Variants in DPP10 observed in about 807,000 individuals in gnomAD.
DPP10 encodes dipeptidyl peptidase like 10.
In DPP10, 33 loss-of-function variants were observed where a neutral mutation model predicts 120.9. That is an observed-to-expected ratio of 0.27 (90% CI 0.21 to 0.37). The LOEUF is 0.37. Among genes scored for constraint, DPP10 ranks in the 10% least tolerant of loss-of-function variants. DPP10 has a pLI of 1.00. For synonymous variants in DPP10, 337 were observed against 326.1 expected (o/e 1.03, Z -0.36); for missense variants, 816 against 942.8 (o/e 0.87, Z 1.76).
intron 1 of DPP10, among the ~76,000 whole-genome samples, chr2:114,939,398 T>A (rs1359623195): frequency 1.3e-5 from 2 of 152,156 alleles, no homozygotes; most frequent in Non-Finnish European, 2.9e-5. Context: ...CTAAATTTTT[T>A]AAATTCTTTT....
chr2:114,478,682 G>A (rs889845194), intron 1 of DPP10, among the ~76,000 whole-genome samples: 3 of 151,528 alleles, frequency 2.0e-5, no homozygotes, highest in African/African-American at 7.3e-5. Context: ...AGAAAATCTG[G>A]AGAGATCTAC....
chr2:114,724,715 G>T (rs1250280746), intron 1 of DPP10, among the ~76,000 whole-genome samples: 1 of 152,174 alleles, frequency 6.6e-6, no homozygotes, highest in African/African-American at 2.4e-5. Flanking sequence ...GCCTCTGAAA[G>T]CTGACTGAAG....
At chr2:114,516,863 C>T (rs992651612) in intron 1 of DPP10, among the ~76,000 whole-genome samples, 9 of 152,088 alleles carry the variant, frequency 5.9e-5, no homozygotes, top group African/African-American at 2.2e-4. Context: ...GTGTTTAATA[C>T]TCAAAGATGC....
In DPP10 at chr2:114,856,440, A is replaced by C. The variant is rs1051648871; in HGVS notation, c.60+413602A>C. On this transcript the variant is annotated intron_variant, in intron 1 of 25. Coordinates refer to ENST00000410059, the MANE Select transcript of DPP10 (RefSeq NM_020868.6). ...CAATATGTCAATATTTCAATGTGTC[A>C]ATATGTCATCTGTGACAAGCATGAG... 2.0e-5 allele frequency among the ~76,000 whole-genome samples: 3 copies of C among 152,332 alleles called. 1 individual carries two copies. The East Asian group carries it at 5.8e-4, about 29-fold the overall frequency.
intron 4 of DPP10, among the ~76,000 whole-genome samples, chr2:115,501,631 C>G (rs1462057598): frequency 6.6e-6 from 1 of 151,974 alleles, no homozygotes; most frequent in East Asian, 1.9e-4. Flanking sequence ...TTTATAAGTC[C>G]TAGAGGTGTC....
chr2:114,581,538 T>G (rs911768415), intron 1 of DPP10, among the ~76,000 whole-genome samples: 19 of 152,172 alleles, frequency 1.2e-4, no homozygotes, highest in Admixed American at 9.2e-4. Flanking sequence ...CCAATGGAGA[T>G]TCAATGGACT....
At chr2:114,728,511 T>A (rs1408617051) in intron 1 of DPP10, among the ~76,000 whole-genome samples, 6 of 152,322 alleles carry the variant, frequency 3.9e-5, no homozygotes, top group Non-Finnish European at 8.8e-5. Flanking sequence ...TGAACCAGGA[T>A]TGGTCATTCA....
chr2:115,804,608 T>C (rs1685687226), intron 19 of DPP10, among the ~76,000 whole-genome samples: 1 of 152,186 alleles, frequency 6.6e-6, no homozygotes, highest in Non-Finnish European at 1.5e-5. Context: ...GATGGGTTTT[T>C]GGTGTGGATG....
At chr2:115,753,875 A>G (rs1679067639) in intron 11 of DPP10, among the ~76,000 whole-genome samples, 2 of 152,164 alleles carry the variant, frequency 1.3e-5, no homozygotes, top group Admixed American at 1.3e-4. Context: ...ACACTGCAGT[A>G]AGTTTAAACG....
At chr2:114,636,893 G>A (rs1695343637) in intron 1 of DPP10, among the ~76,000 whole-genome samples, 1 of 151,816 alleles carries the variant, frequency 6.6e-6, no homozygotes, top group African/African-American at 2.4e-5. Flanking sequence ...GTGAGGGTGG[G>A]TAGAATATGT....
At chr2:115,138,321 G>A (rs1284809966) in intron 1 of DPP10, among the ~76,000 whole-genome samples, 1 of 152,122 alleles carries the variant, frequency 6.6e-6, no homozygotes, top group African/African-American at 2.4e-5. Flanking sequence ...ATGAAGAAAT[G>A]AGAAATTTTG....
chr2:115,328,278 A>G (rs907343080), intron 2 of DPP10, among the ~76,000 whole-genome samples: 8 of 152,236 alleles, frequency 5.3e-5, no homozygotes, highest in African/African-American at 1.7e-4. Flanking sequence ...GCTTACATAC[A>G]TTTCTCATAT....
intron 5 of DPP10, among the ~76,000 whole-genome samples, chr2:115,533,180 C>G (rs911201207): frequency 6.6e-6 from 1 of 152,028 alleles, no homozygotes; most frequent in African/African-American, 2.4e-5. Context: ...ATTAAATTTA[C>G]TCTTGTTTCA....
chr2:115,307,935 T>G (rs2061425303), intron 1 of DPP10, among the ~76,000 whole-genome samples: 1 of 152,010 alleles, frequency 6.6e-6, no homozygotes, highest in Non-Finnish European at 1.5e-5. Context: ...GAAAAAGAGG[T>G]GTGGAGCAAG....
At chr2:115,281,622 C>T (rs2060159975) in intron 1 of DPP10, among the ~76,000 whole-genome samples, 1 of 152,122 alleles carries the variant, frequency 6.6e-6, no homozygotes, top group Non-Finnish European at 1.5e-5. Flanking sequence ...TTTTGTTGTT[C>T]TCATTGCTAT....
At chr2:115,369,597 T>C (rs1191533818) in intron 3 of DPP10, among the ~76,000 whole-genome samples, 1 of 152,060 alleles carries the variant, frequency 6.6e-6, no homozygotes, top group Non-Finnish European at 1.5e-5. Flanking sequence ...TACGTAATAC[T>C]GGAAATCTGT....
chr2:115,733,483 T>A (rs2149664918), intron 8 of DPP10, among the ~76,000 whole-genome samples: 1 of 151,474 alleles, frequency 6.6e-6, no homozygotes, highest in Non-Finnish European at 1.5e-5. Flanking sequence ...AGTTAATTGG[T>A]GGGGCCAAAT....
chr2:115,372,546 A>T (rs762349455), intron 3 of DPP10, among the ~76,000 whole-genome samples: 1 of 152,200 alleles, frequency 6.6e-6, no homozygotes, highest in Non-Finnish European at 1.5e-5. Context: ...AAACGTAGCC[A>T]GTATGAAACA....
chr2:114,528,849 T>A (rs1345202910), intron 1 of DPP10, among the ~76,000 whole-genome samples: 1 of 152,008 alleles, frequency 6.6e-6, no homozygotes, highest in Non-Finnish European at 1.5e-5. Flanking sequence ...CAAAGCCTAC[T>A]GATTTTGCCT....
Sources: gnomAD v4.1 joint callset for allele counts (sites outside exome capture counted in the v4.1 genomes callset) on GRCh38, gnomAD v4.1.1 for gene constraint, MANE v1.5 for transcripts, NCBI Gene and HGNC (gene_info 2026-07-23, HGNC 2026-07-21) for gene names.